Variants in ST6GALNAC5 observed in about 807,000 individuals in gnomAD.
The protein encoded by ST6GALNAC5 is alpha-N-acetylgalactosaminide alpha-2,6-sialyltransferase 5.
In ST6GALNAC5, 27 loss-of-function variants were observed where a neutral mutation model predicts 33.6. The ratio of observed to expected loss-of-function variants is 0.80; its 90% confidence interval spans 0.59 to 1.11. The LOEUF (loss-of-function observed/expected upper bound fraction) is 1.11, where lower values mean the gene tolerates loss of function less well. Among genes scored for constraint, ST6GALNAC5 ranks in the 50% least tolerant of loss-of-function variants. ST6GALNAC5 has a pLI of 0.00. For missense variants in ST6GALNAC5, 428 were observed against 454.0 expected (o/e 0.94, Z 0.52); for synonymous variants, 194 against 171.2 (o/e 1.13, Z -1.04).
chr1:76,974,331 A>T (rs1648906944), intron 2 of ST6GALNAC5, among the ~76,000 whole-genome samples: 1 of 151,354 alleles, frequency 6.6e-6, no homozygotes, highest in South Asian at 2.1e-4. Flanking sequence ...TTTGCCTCCC[A>T]AGTAACTAGG....
chr1:76,876,795 C>T (rs765341430), intron 2 of ST6GALNAC5, among the ~76,000 whole-genome samples: 11 of 152,198 alleles, frequency 7.2e-5, no homozygotes, highest in Non-Finnish European at 1.5e-4. Flanking sequence ...TTGGGTGGTG[C>T]CTGCATAACC....
chr1:77,008,018 T>G (rs565058526), intron 2 of ST6GALNAC5, among the ~76,000 whole-genome samples: 2 of 152,358 alleles, frequency 1.3e-5, no homozygotes, highest in East Asian at 3.9e-4. Context: ...TTATTATTAT[T>G]ATGTGTGTTT....
chr1:76,868,848 C>T lies in ST6GALNAC5; in HGVS notation c.261+106C>T, dbSNP rs577281870. ...GGAGGCGCTGTGAGTAGGTGCCGTT[C>T]GAAGGCTGGAGGGGAGTGGACCCGC... On this transcript the variant is annotated intron_variant, in intron 2 of 4. Transcript: ENST00000477717. The surrounding 1 kb of genome is among the most constrained non-coding windows in gnomAD (Gnocchi z 4.3). The T allele has an allele frequency of 2.6e-4, 364 of 1,417,560 alleles. 1 individual carries two copies. In the East Asian group the frequency reaches 9.6e-3, roughly 38 times the overall value. 87.8% of individuals were successfully genotyped at this position (1,417,560 alleles called of 1,614,324 possible). A position where few individuals can be genotyped will look rare whatever the true frequency, so the allele number is the denominator to read the frequency against.
At chr1:76,992,932 C>G (rs909360143) in intron 2 of ST6GALNAC5, among the ~76,000 whole-genome samples, 16 of 152,206 alleles carry the variant, frequency 1.1e-4, no homozygotes, top group African/African-American at 3.9e-4. Context: ...TCTTGCTGCC[C>G]TTGAGCTACC....
chr1:76,910,396 A>G (rs1646899304), intron 2 of ST6GALNAC5, among the ~76,000 whole-genome samples: 1 of 152,112 alleles, frequency 6.6e-6, no homozygotes, highest in South Asian at 2.1e-4. Context: ...TGAAAAAAAT[A>G]AAAGCGAAGT....
chr1:76,922,920 A>G (rs1188262971), intron 2 of ST6GALNAC5, among the ~76,000 whole-genome samples: 1 of 151,042 alleles, frequency 6.6e-6, no homozygotes, highest in Admixed American at 6.6e-5. Context: ...TAGGTGACAG[A>G]GTGAAACCTT....
chr1:77,041,098 C>A (rs1651817309), intron 2 of ST6GALNAC5, among the ~76,000 whole-genome samples: 1 of 152,224 alleles, frequency 6.6e-6, no homozygotes, highest in Non-Finnish European at 1.5e-5. Flanking sequence ...GTCATCAAAT[C>A]CAAAGCACAT....
At chr1:76,872,054 T>C (rs1653516970) in intron 2 of ST6GALNAC5, among the ~76,000 whole-genome samples, 1 of 148,882 alleles carries the variant, frequency 6.7e-6, no homozygotes, top group Non-Finnish European at 1.5e-5. Flanking sequence ...TGTAGCCTAA[T>C]GTATAACCAA....
At chr1:77,007,245 C>T (rs1650458307) in intron 2 of ST6GALNAC5, among the ~76,000 whole-genome samples, 1 of 152,194 alleles carries the variant, frequency 6.6e-6, no homozygotes, top group Admixed American at 6.5e-5. Context: ...TATCTGAAAA[C>T]TTTCTCCTGC....
intron 2 of ST6GALNAC5, among the ~76,000 whole-genome samples, chr1:76,906,287 G>C (rs144890976): frequency 8.0e-4 from 122 of 152,210 alleles, no homozygotes; most frequent in African/African-American, 2.8e-3. Flanking sequence ...CTTTCCAAGA[G>C]CTAGAATAAA....
chr1:76,973,168 G>A (rs1648831384), intron 2 of ST6GALNAC5, among the ~76,000 whole-genome samples: 1 of 151,740 alleles, frequency 6.6e-6, no homozygotes, highest in African/African-American at 2.4e-5. Context: ...CTTTGTATAT[G>A]GTAGAATTTT....
At chr1:76,913,068 T>C (rs1646930912) in intron 2 of ST6GALNAC5, among the ~76,000 whole-genome samples, 1 of 152,154 alleles carries the variant, frequency 6.6e-6, no homozygotes, top group Non-Finnish European at 1.5e-5. Context: ...GTTTGTTCCT[T>C]TCCATGTTTA....
intron 2 of ST6GALNAC5, among the ~76,000 whole-genome samples, chr1:76,904,020 A>C (rs1199602217): frequency 6.6e-6 from 1 of 152,156 alleles, no homozygotes; most frequent in Non-Finnish European, 1.5e-5. Flanking sequence ...CAATTCCGTG[A>C]ATTTAGTGGG....
rs982939225 is a variant in ST6GALNAC5 at position 77,066,410 on chromosome 1, A to C, written c.*3204A>C. 6.6e-6 allele frequency among the ~76,000 whole-genome samples: 1 copy of C among 152,220 alleles called. No individual in the cohort carries two copies. The highest frequency in any genetic ancestry group is 1.5e-5 in the Non-Finnish European group (1 of 68,030). On this transcript the variant is annotated 3_prime_UTR_variant, in exon 5 of 5. Transcript: ENST00000477717. ...ACTGATCTATTTGAATGACATGAGA[A>C]TGGAGGGAAATAATCTCATTTTGAA...
At chr1:76,901,591 C>T (rs1160118552) in intron 2 of ST6GALNAC5, among the ~76,000 whole-genome samples, 1 of 152,090 alleles carries the variant, frequency 6.6e-6, no homozygotes, top group Non-Finnish European at 1.5e-5. Flanking sequence ...AAGAAGAGAA[C>T]AGGGTACTTT....
At chr1:76,995,479 A>G (rs1177087661) in intron 2 of ST6GALNAC5, 3 of 152,246 alleles carry the variant, frequency 2.0e-5, no homozygotes, top group Non-Finnish European at 2.9e-5. Flanking sequence ...GAGCAGAGTC[A>G]TAGACTCTCC....
At position 76,868,354 on chromosome 1, in the gene ST6GALNAC5, C is replaced by T. The variant is rs1653399972; in HGVS notation, c.16-143C>T. On this transcript the variant is annotated intron_variant, in intron 1 of 4. Coordinates refer to ENST00000477717, the MANE Select transcript of ST6GALNAC5 (RefSeq NM_030965.3). This position sits in a 1 kb window ranked among gnomAD's most constrained non-coding sequence, Gnocchi z 4.3. Reference sequence around the variant, plus strand: ...CTAGGGGACGGTGCTTTCTCTGTCCCAGTTGCGTGCGGCGGGGCTGGGGCC... The same window carrying T: ...CTAGGGGACGGTGCTTTCTCTGTCCTAGTTGCGTGCGGCGGGGCTGGGGCC... The T allele has an allele frequency of 7.8e-7, 1 of 1,279,372 alleles. No individual in the cohort carries two copies. Among genetic ancestry groups the T allele is most frequent in the Non-Finnish European group, 1.0e-6 (1 of 954,624 alleles). The allele number at this position is 1,279,372 out of a possible 1,614,324, so 79.3% of individuals were successfully genotyped here.
intron 2 of ST6GALNAC5, among the ~76,000 whole-genome samples, chr1:77,008,334 AGACAGATGTGTCC>A (rs765559674): frequency 3.3e-5 from 5 of 152,192 alleles, no homozygotes; most frequent in African/African-American, 7.2e-5. Context: ...CTTTAGAGTC[AGACAGATGTGTCC>A]GTTACTAGCT....
At chr1:76,898,930 G>A (rs546239003) in intron 2 of ST6GALNAC5, among the ~76,000 whole-genome samples, 80 of 152,240 alleles carry the variant, frequency 5.3e-4, no homozygotes, top group Non-Finnish European at 8.5e-4. Flanking sequence ...TGGGACTGAG[G>A]GGACAGGTGG....
Sources: allele counts gnomAD v4.1 joint callset (sites outside exome capture counted in the v4.1 genomes callset), GRCh38; gene constraint gnomAD v4.1.1; non-coding constraint Gnocchi (gnomAD v3.1); transcripts MANE v1.5; gene names NCBI Gene and HGNC (gene_info 2026-07-23, HGNC 2026-07-21).